KLHL4: variants seen among roughly 807,000 people sequenced by gnomAD.
The protein encoded by KLHL4 is kelch-like protein 4.
KLHL4 carries 17 observed loss-of-function variants against 45.8 expected under a neutral mutation model. The observed-to-expected ratio is 0.37, with a 90% CI of 0.25 to 0.56. The LOEUF is 0.56. KLHL4 is among the 20% of genes least tolerant of loss of function. The pLI is 0.79. For missense variants in KLHL4, 544 were observed against 544.9 expected, an observed-to-expected ratio of 1.00 and a Z score of 0.02; for synonymous variants, 224 against 189.9, an observed-to-expected ratio of 1.18 and a Z score of -1.47.
intron 1 of KLHL4, among the ~76,000 whole-genome samples, chrX:87,564,529 G>T (rs1391228795): frequency 9.0e-6 from 1 of 111,223 alleles, no homozygotes; most frequent in Non-Finnish European, 1.9e-5. Flanking sequence ...AAGAGAGCTG[G>T]TGTAGTTATA....
rs752370580 is a variant in KLHL4 at position 87,518,265 on chromosome X, A to T, written c.372A>T (p.Ala124=). The part of the protein sequence containing the change: ...NLFKEACEKR[A]QDLEMMADDN... ...TCAAAGAAGCTTGTGAGAAACGCGCACAAGATTTGGAGATGATGGCTGATG... is the reference window on the plus strand; with the variant it reads ...TCAAAGAAGCTTGTGAGAAACGCGCTCAAGATTTGGAGATGATGGCTGATG... The change falls in exon 1 of 11, where the codon GCA becomes GCT. Residue 124 remains alanine (A), a synonymous_variant. Coordinates refer to ENST00000373119, the MANE Select transcript of KLHL4 (RefSeq NM_019117.5). 3.3e-6 allele frequency: 4 copies of T among 1,210,339 alleles called. No individual in the cohort carries two copies. The African/African-American group carries it at 7.0e-5, about 21-fold the overall frequency.
chrX:87,528,299 G>A, intron 1 of KLHL4, among the ~76,000 whole-genome samples: 1 of 111,133 alleles, frequency 9.0e-6, no homozygotes, highest in Non-Finnish European at 1.9e-5. Context: ...GCAGAAGAAA[G>A]TATTTCTGAA....
intron 1 of KLHL4, among the ~76,000 whole-genome samples, chrX:87,543,970 G>C (rs1931620399): frequency 9.0e-6 from 1 of 111,070 alleles, no homozygotes; most frequent in Non-Finnish European, 1.9e-5. Flanking sequence ...CTTGACTTCA[G>C]GTATCAACAT....
intron 1 of KLHL4, among the ~76,000 whole-genome samples, chrX:87,556,768 G>A (rs1385884235): frequency 3.1e-5 from 3 of 96,086 alleles, no homozygotes; most frequent in African/African-American, 1.2e-4. Flanking sequence ...CTGAGAAAGT[G>A]CTACCATGTG....
At chrX:87,526,476 G>A (rs2147762437) in intron 1 of KLHL4, among the ~76,000 whole-genome samples, 1 of 111,884 alleles carries the variant, frequency 8.9e-6, no homozygotes, top group African/African-American at 3.2e-5. Flanking sequence ...AAAAAGAAGT[G>A]CAATGTAAGA....
intron 1 of KLHL4, among the ~76,000 whole-genome samples, chrX:87,545,475 C>A (rs1055596037): frequency 1.9e-5 from 2 of 105,037 alleles, no homozygotes; most frequent in Non-Finnish European, 3.9e-5. Context: ...CCATGTAAGA[C>A]GTGCCTGCCT....
Position 87,570,826 on chromosome X carries a change from A to G in KLHL4, c.423-43051A>G, listed in dbSNP as rs1041029181. Among the ~76,000 whole-genome samples the G allele has an allele frequency of 4.5e-5, 5 of 111,119 alleles. No homozygotes were observed. In the Admixed American group the frequency reaches 4.8e-4, roughly 11 times the overall value. On this transcript the variant is annotated intron_variant, in intron 1 of 10. Coordinates refer to ENST00000373119, the MANE Select transcript of KLHL4 (RefSeq NM_019117.5). ...AAATAGGTGATGAAATAAGTATAGAAGTTCAAGGATTTGAAAATATTTGGG... is the reference window on the plus strand; with the variant it reads ...AAATAGGTGATGAAATAAGTATAGAGGTTCAAGGATTTGAAAATATTTGGG...
chrX:87,647,052 A>G (rs564002035), intron 9 of KLHL4, among the ~76,000 whole-genome samples: 1 of 111,759 alleles, frequency 8.9e-6, no homozygotes, highest in Admixed American at 9.5e-5. Flanking sequence ...AAAACAAACA[A>G]TTCCATTAAG....
At chrX:87,577,801 C>A (rs1257838224) in intron 1 of KLHL4, among the ~76,000 whole-genome samples, 4 of 111,298 alleles carry the variant, frequency 3.6e-5, no homozygotes, top group Non-Finnish European at 7.6e-5. Flanking sequence ...TTTACAACTG[C>A]CTTCCTGATT....
chrX:87,623,301 T>TTC (rs1290449943), intron 5 of KLHL4, among the ~76,000 whole-genome samples: 1 of 88,384 alleles, frequency 1.1e-5, no homozygotes, highest in African/African-American at 4.3e-5. Context: ...TTTTTTTTTT[T>TTC]TTTTTTTTTT....
At chrX:87,666,008 G>A (rs894276423) in intron 10 of KLHL4, among the ~76,000 whole-genome samples, 5 of 111,625 alleles carry the variant, frequency 4.5e-5, no homozygotes, top group Admixed American at 1.9e-4. Context: ...ACCAGCTTAC[G>A]GGATTTATTT....
rs1924418575 is a variant in KLHL4 at position 87,667,665 on chromosome X, T to C, written c.*1131T>C. On this transcript the variant is annotated 3_prime_UTR_variant, in exon 11 of 11. Transcript: ENST00000373119. ...TTGAATAGTATTTTATGTGTAATTC[T>C]TCCATTTATTCTGTTTAATTATACA... 1 of 595,085 alleles carries C rather than the reference T, an allele frequency of 1.7e-6. No homozygotes were observed. The allele number at this position is 595,085 out of a possible 1,213,427, so 49.0% of individuals were successfully genotyped here.
At chrX:87,599,239 A>G (rs1921933561) in intron 1 of KLHL4, among the ~76,000 whole-genome samples, 1 of 110,670 alleles carries the variant, frequency 9.0e-6, no homozygotes, top group African/African-American at 3.3e-5. Flanking sequence ...GCTTTCTGAG[A>G]CTTCCACTTC....
chrX:87,528,786 G>A (rs972061181), intron 1 of KLHL4, among the ~76,000 whole-genome samples: 7 of 100,805 alleles, frequency 6.9e-5, no homozygotes, highest in Admixed American at 6.6e-4. Flanking sequence ...CCTGTTTAAC[G>A]AAGTAGCTAA....
intron 9 of KLHL4, among the ~76,000 whole-genome samples, chrX:87,636,748 G>C: frequency 9.1e-6 from 1 of 110,051 alleles, no homozygotes; most frequent in Non-Finnish European, 1.9e-5. Context: ...AGCAGAGCTA[G>C]CCATAATCCC....
At chrX:87,587,782 A>G (rs1921530412) in intron 1 of KLHL4, among the ~76,000 whole-genome samples, 1 of 111,189 alleles carries the variant, frequency 9.0e-6, no homozygotes, top group Admixed American at 9.6e-5. Context: ...TATTAAACAT[A>G]ACACTTAAAG....
intron 9 of KLHL4, among the ~76,000 whole-genome samples, chrX:87,663,879 A>C (rs911752045): frequency 8.9e-6 from 1 of 112,047 alleles, no homozygotes; most frequent in African/African-American, 3.2e-5. Context: ...AGATACAAAC[A>C]GTGGTCAGAG....
At chrX:87,610,909 A>T (rs1257310129) in intron 1 of KLHL4, among the ~76,000 whole-genome samples, 1 of 110,355 alleles carries the variant, frequency 9.1e-6, no homozygotes, top group Admixed American at 9.7e-5. Context: ...CCCTGTCTCT[A>T]CTAAAAATAC....
In KLHL4 at chrX:87,664,941, C is replaced by A. The variant is rs1483427784; in HGVS notation, c.2097+6C>A. On this transcript the variant is annotated splice_donor_region_variant and intron_variant, in intron 10 of 10. Transcript: ENST00000373119. ...AGAGAAATGAATGGAAAGAGGTATTCGAATTAAAATATTCAAATTACTATA... is the reference window on the plus strand; with the variant it reads ...AGAGAAATGAATGGAAAGAGGTATTAGAATTAAAATATTCAAATTACTATA... 1 of 1,073,763 alleles carries A rather than the reference C, an allele frequency of 9.3e-7. No individual in the cohort carries two copies. The highest frequency in any genetic ancestry group is 1.3e-6 in the Non-Finnish European group (1 of 788,533). The allele number at this position is 1,073,763 out of a possible 1,213,427, so 88.5% of individuals were successfully genotyped here. A position where few individuals can be genotyped will look rare whatever the true frequency, so the allele number is the denominator to read the frequency against.
Sources: gnomAD v4.1 joint callset for allele counts (sites outside exome capture counted in the v4.1 genomes callset) on GRCh38, gnomAD v4.1.1 for gene constraint, MANE v1.5 for transcripts, NCBI Gene and HGNC (gene_info 2026-07-23, HGNC 2026-07-21) for gene names.